The following C9 variants were observed in gnomAD, a reference collection of about 807,000 sequenced individuals.
C9 encodes complement C9.
Under a neutral mutation model 65.4 loss-of-function variants are expected in C9, and 63 were observed. That is an observed-to-expected ratio of 0.96 (90% CI 0.79 to 1.19). C9 has a LOEUF of 1.19. C9 is among the 50% of genes most tolerant of loss of function. The pLI is 0.00. For missense variants in C9, 744 were observed against 670.1 expected (o/e 1.11, Z -1.22); for synonymous variants, 229 against 227.9 (o/e 1.00, Z -0.04).
intron 9 of C9, among the ~76,000 whole-genome samples, chr5:39,303,365 A>C (rs2111869272): frequency 6.6e-6 from 1 of 152,216 alleles, no homozygotes; most frequent in Admixed American, 6.5e-5. Context: ...GGGCTGGGCC[A>C]AGACATTCCT....
At chr5:39,325,888 G>T (rs1220806255) in intron 5 of C9, among the ~76,000 whole-genome samples, 1 of 151,828 alleles carries the variant, frequency 6.6e-6, no homozygotes, top group Non-Finnish European at 1.5e-5. Context: ...CTTGTTGTAG[G>T]ATAACTCCAT....
chr5:39,307,473 G>A (rs767398902), intron 8 of C9, among the ~76,000 whole-genome samples: 4 of 152,068 alleles, frequency 2.6e-5, no homozygotes, highest in Non-Finnish European at 5.9e-5. Flanking sequence ...AAATTATACC[G>A]TATAATGGCA....
intron 5 of C9, among the ~76,000 whole-genome samples, chr5:39,317,605 T>C (rs1753591780): frequency 6.6e-6 from 1 of 152,218 alleles, no homozygotes; most frequent in African/African-American, 2.4e-5. Flanking sequence ...AGGGAATCCT[T>C]TTCCCATTGC....
At chr5:39,322,699 A>G (rs1172709089) in intron 5 of C9, among the ~76,000 whole-genome samples, 1 of 152,136 alleles carries the variant, frequency 6.6e-6, no homozygotes, top group African/African-American at 2.4e-5. Context: ...CGTGGATTCA[A>G]CCATCATTGG....
intron 1 of C9, among the ~76,000 whole-genome samples, chr5:39,360,534 GA>G (rs1754496820): frequency 6.6e-6 from 1 of 152,092 alleles, no homozygotes; most frequent in African/African-American, 2.4e-5. Flanking sequence ...GACAAACTGG[GA>G]AAAATATGTG....
chr5:39,343,594 G>A (rs1754132553), intron 1 of C9, among the ~76,000 whole-genome samples: 1 of 152,206 alleles, frequency 6.6e-6, no homozygotes, highest in South Asian at 2.1e-4. Context: ...GTCCACCTCT[G>A]GGGGTAGGGC....
intron 5 of C9, among the ~76,000 whole-genome samples, chr5:39,326,616 C>T (rs1027113307): frequency 6.6e-6 from 1 of 152,314 alleles, no homozygotes; most frequent in East Asian, 1.9e-4. Flanking sequence ...CATGATTTAA[C>T]CCCTGCCTAT....
At position 39,285,101 on chromosome 5, in the gene C9, T is replaced by G; in HGVS notation, c.*98A>C. On this transcript the variant is annotated 3_prime_UTR_variant, in exon 11 of 11. Coordinates refer to ENST00000263408, the MANE Select transcript of C9 (RefSeq NM_001737.5). ...AGGTTGGTAGGATTTTCATGAAGCA[T>G]GTTGCTATTTACTTGGCAGCTAAGA... 1 of 955,214 alleles carries G rather than the reference T, an allele frequency of 1.0e-6. No individual in the cohort carries two copies. The highest frequency in any genetic ancestry group is 1.7e-6 in the Non-Finnish European group (1 of 580,460). 59.2% of individuals were successfully genotyped at this position (955,214 alleles called of 1,614,324 possible).
chr5:39,291,037 T>C (rs1753084347), intron 9 of C9, among the ~76,000 whole-genome samples: 1 of 151,916 alleles, frequency 6.6e-6, no homozygotes, highest in South Asian at 2.1e-4. Flanking sequence ...ACGTACAGTA[T>C]TTAGCCCACA....
intron 1 of C9, among the ~76,000 whole-genome samples, chr5:39,358,708 G>C (rs764406206): frequency 2.0e-5 from 3 of 152,038 alleles, no homozygotes; most frequent in African/African-American, 7.2e-5. Context: ...GTACCGGGCC[G>C]GGCGCGGTGG....
chr5:39,286,189 A>C (rs1752988540), intron 10 of C9, among the ~76,000 whole-genome samples: 1 of 152,096 alleles, frequency 6.6e-6, no homozygotes, highest in Non-Finnish European at 1.5e-5. Context: ...AGACTGATGA[A>C]AATGATAGGA....
At chr5:39,350,391 T>G (rs1754301386) in intron 1 of C9, among the ~76,000 whole-genome samples, 2 of 152,146 alleles carry the variant, frequency 1.3e-5, no homozygotes, top group South Asian at 4.1e-4. Flanking sequence ...CATGTTCTTC[T>G]CACATTTGAA....
At chr5:39,327,350 T>C (rs1215738955) in intron 5 of C9, among the ~76,000 whole-genome samples, 2 of 152,114 alleles carry the variant, frequency 1.3e-5, no homozygotes, top group Non-Finnish European at 2.9e-5. Flanking sequence ...AGAACACTAT[T>C]TTGAGTCATT....
intron 6 of C9, among the ~76,000 whole-genome samples, chr5:39,315,405 TA>T (rs1338383369): frequency 6.6e-6 from 1 of 152,202 alleles, no homozygotes; most frequent in East Asian, 1.9e-4. Flanking sequence ...AGTTTGTAGT[TA>T]ATAAACAGTG....
At chr5:39,331,618 A>T in intron 5 of C9, 58 bp downstream of exon 5, 1 of 1,496,804 alleles carries the variant, frequency 6.7e-7, no homozygotes, top group East Asian at 2.3e-5. Context: ...TACTAAACTT[A>T]TTTAAGCAAT....
chr5:39,335,762 G>C (rs1356034449), intron 4 of C9, among the ~76,000 whole-genome samples: 3 of 152,114 alleles, frequency 2.0e-5, no homozygotes, highest in African/African-American at 7.2e-5. Flanking sequence ...TACACATTGA[G>C]TCTTCTGGAG....
chr5:39,302,001 T>G (rs1201731250), intron 9 of C9, among the ~76,000 whole-genome samples: 1 of 152,038 alleles, frequency 6.6e-6, no homozygotes, highest in Non-Finnish European at 1.5e-5. Flanking sequence ...TGTTATACCC[T>G]TCAAAGGAAA....
chr5:39,353,665 A>G (rs1053657692), intron 1 of C9, among the ~76,000 whole-genome samples: 2 of 152,132 alleles, frequency 1.3e-5, no homozygotes, highest in African/African-American at 4.8e-5. Context: ...CTATTCATCA[A>G]ATATATATTA....
Position 39,341,170 on chromosome 5 carries a change from T to C in C9, c.452A>G (p.Glu151Gly), listed in dbSNP as rs372566267. 6 of 1,614,056 alleles carry C rather than the reference T, an allele frequency of 3.7e-6. No individual in the cohort carries two copies. The African/African-American group carries it at 8.0e-5, about 22-fold the overall frequency. ...CCCATAGCCTGCTGTTCGTGCCAGC[T>C]CAGACTCTTCTACCACTCTGTCTCT... ...PCRDRVVEES[E>G]LARTAGYGIN... The change falls in exon 4 of 11, where the codon GAG becomes GGG. Residue 151 changes from glutamate to glycine, a missense_variant. Coordinates refer to ENST00000263408, the MANE Select transcript of C9 (RefSeq NM_001737.5).
Sources: allele counts gnomAD v4.1 joint callset (sites outside exome capture counted in the v4.1 genomes callset), GRCh38; gene constraint gnomAD v4.1.1; transcripts MANE v1.5; gene names NCBI Gene and HGNC (gene_info 2026-07-23, HGNC 2026-07-21).